LPP: variants seen among roughly 807,000 people sequenced by gnomAD.
LPP encodes lipoma-preferred partner.
In LPP, 38 loss-of-function variants were observed where a neutral mutation model predicts 60.4. The ratio of observed to expected loss-of-function variants is 0.63; its 90% confidence interval spans 0.49 to 0.83. The LOEUF (loss-of-function observed/expected upper bound fraction) is 0.83. LPP is among the 40% of genes least tolerant of loss of function. LPP has a pLI of 0.00. For synonymous variants in LPP, 328 were observed against 290.8 expected, an observed-to-expected ratio of 1.13 and a Z score of -1.30; for missense variants, 902 against 783.6, an observed-to-expected ratio of 1.15 and a Z score of -1.80.
intron 2 of LPP, among the ~76,000 whole-genome samples, chr3:188,289,623 G>T (rs1175096777): frequency 6.6e-6 from 1 of 152,130 alleles, no homozygotes; most frequent in Admixed American, 6.5e-5. Context: ...AACTGCTGTG[G>T]TCTCCCTGTA....
At chr3:188,286,685 G>A (rs915490172) in intron 2 of LPP, among the ~76,000 whole-genome samples, 2 of 152,124 alleles carry the variant, frequency 1.3e-5, no homozygotes, top group Non-Finnish European at 2.9e-5. Flanking sequence ...AGGAAAGCCA[G>A]CTAACTTTAT....
At chr3:188,859,089 TAAAAAAA>T (rs35722501) in intron 9 of LPP, among the ~76,000 whole-genome samples, 2 of 103,938 alleles carry the variant, frequency 1.9e-5, no homozygotes, top group South Asian at 3.7e-4. Context: ...ACTCTGTCTT[TAAAAAAA>T]AAAAAAAAAA....
chr3:188,621,632 A>C (rs932068813), intron 7 of LPP, among the ~76,000 whole-genome samples: 1 of 152,156 alleles, frequency 6.6e-6, no homozygotes, highest in Non-Finnish European at 1.5e-5. Flanking sequence ...CCGATAAATT[A>C]GTATTCATTT....
At chr3:188,752,628 A>G (rs1301066673) in intron 8 of LPP, among the ~76,000 whole-genome samples, 1 of 152,166 alleles carries the variant, frequency 6.6e-6, no homozygotes, top group African/African-American at 2.4e-5. Context: ...TATAGATGCT[A>G]TTAGTTTCAT....
chr3:188,170,362 G>T (rs538543685), intron 1 of LPP, among the ~76,000 whole-genome samples: 1 of 131,084 alleles, frequency 7.6e-6, no homozygotes, highest in South Asian at 2.4e-4. Context: ...AGGGAGTCTC[G>T]CTCTATTGCC....
rs1560158534 is a variant in LPP, at chr3:188,250,772, TTCTTTCTTTCTTTCTG to T, written c.-67+25253_-67+25268del. On this transcript the variant is annotated intron_variant, in intron 2 of 11. Coordinates refer to ENST00000617246, the MANE Select transcript of LPP (RefSeq NM_001375462.1). ...TTTCTTTCTTTCTTTCTTTCTTTCTTTCTTTCTTTCTTTCTGTCTTTCTCTTTCTTTCTTTCTCTTT... is the reference window on the plus strand; with the variant it reads ...TTTCTTTCTTTCTTTCTTTCTTTCTTTCTTTCTCTTTCTTTCTTTCTCTTT... Among the ~76,000 whole-genome samples, 9 of 111,098 alleles carry T rather than the reference TTCTTTCTTTCTTTCTG, an allele frequency of 8.1e-5. No homozygotes were observed. In the South Asian group the frequency reaches 2.3e-3, roughly 28 times the overall value. The allele number at this position is 111,098 out of a possible 152,430, so 72.9% of individuals were successfully genotyped here. A position where few individuals can be genotyped will look rare whatever the true frequency, so the allele number is the denominator to read the frequency against.
intron 3 of LPP, among the ~76,000 whole-genome samples, chr3:188,385,399 A>C (rs1778014369): frequency 6.6e-6 from 1 of 152,006 alleles, no homozygotes; most frequent in Non-Finnish European, 1.5e-5. Flanking sequence ...CAGAGCTGAG[A>C]GGGGAAGGGC....
At chr3:188,173,084 G>A (rs1722032988) in intron 1 of LPP, among the ~76,000 whole-genome samples, 1 of 152,174 alleles carries the variant, frequency 6.6e-6, no homozygotes, top group Non-Finnish European at 1.5e-5. Context: ...GCCCAGGCTG[G>A]TTTCAAACCC....
At chr3:188,364,276 C>T (rs369280516) in intron 3 of LPP, among the ~76,000 whole-genome samples, 1 of 152,242 alleles carries the variant, frequency 6.6e-6, no homozygotes, top group African/African-American at 2.4e-5. Flanking sequence ...ATACCTGACA[C>T]AGACTTGCTT....
intron 3 of LPP, among the ~76,000 whole-genome samples, chr3:188,389,148 T>G (rs1779080644): frequency 6.6e-6 from 1 of 152,168 alleles, no homozygotes; most frequent in South Asian, 2.1e-4. Flanking sequence ...TGTGTGTGTG[T>G]GTGTTTGGTA....
intron 7 of LPP, among the ~76,000 whole-genome samples, chr3:188,695,579 C>T (rs1863066590): frequency 6.6e-6 from 1 of 152,232 alleles, no homozygotes; most frequent in Non-Finnish European, 1.5e-5. Flanking sequence ...CAGATGAAGG[C>T]ATCTACCCAG....
At chr3:188,645,319 C>T (rs1850909991) in intron 7 of LPP, among the ~76,000 whole-genome samples, 1 of 151,508 alleles carries the variant, frequency 6.6e-6, no homozygotes, top group Admixed American at 6.6e-5. Context: ...GGAAAAGCAC[C>T]TTTGTTTGTA....
intron 7 of LPP, among the ~76,000 whole-genome samples, chr3:188,707,021 C>T (rs938784438): frequency 1.3e-5 from 2 of 152,110 alleles, no homozygotes; most frequent in African/African-American, 4.8e-5. Flanking sequence ...CACAAAGCTA[C>T]TTTAAATCTA....
intron 3 of LPP, among the ~76,000 whole-genome samples, chr3:188,353,646 A>C (rs1187014015): frequency 6.6e-6 from 1 of 152,160 alleles, no homozygotes; most frequent in African/African-American, 2.4e-5. Context: ...ACAGTGGTTC[A>C]GCCTTCTGCT....
At chr3:188,235,836 T>C (rs1721706668) in intron 2 of LPP, among the ~76,000 whole-genome samples, 1 of 152,188 alleles carries the variant, frequency 6.6e-6, no homozygotes, top group Admixed American at 6.5e-5. Context: ...ATGCTTTGTG[T>C]ATACATCCAA....
At chr3:188,689,322 C>T (rs916747981) in intron 7 of LPP, among the ~76,000 whole-genome samples, 1 of 152,148 alleles carries the variant, frequency 6.6e-6, no homozygotes, top group African/African-American at 2.4e-5. Flanking sequence ...AAGTCAGAAT[C>T]GAAGTCATAG....
chr3:188,806,892 A>G (rs1749313195), intron 9 of LPP, among the ~76,000 whole-genome samples: 1 of 151,900 alleles, frequency 6.6e-6, no homozygotes, highest in Admixed American at 6.6e-5. Flanking sequence ...CAGCACATTG[A>G]TACTAATTTT....
chr3:188,719,553 A>T (rs1202315213), intron 8 of LPP, among the ~76,000 whole-genome samples: 1 of 152,194 alleles, frequency 6.6e-6, no homozygotes, highest in African/African-American at 2.4e-5. Context: ...TTGCTTATTA[A>T]CTGTGGAAGC....
At chr3:188,409,942 G>A (rs1051114031) in intron 4 of LPP, among the ~76,000 whole-genome samples, 1 of 152,148 alleles carries the variant, frequency 6.6e-6, no homozygotes, top group Non-Finnish European at 1.5e-5. Flanking sequence ...TCTAACTCTA[G>A]AGTTACCCAA....
Sources: allele counts gnomAD v4.1 joint callset (sites outside exome capture counted in the v4.1 genomes callset), GRCh38; gene constraint gnomAD v4.1.1; transcripts MANE v1.5; gene names NCBI Gene and HGNC (gene_info 2026-07-23, HGNC 2026-07-21).